TRAM2: variants seen among roughly 807,000 people sequenced by gnomAD.
TRAM2 encodes translocation associated membrane protein 2.
TRAM2 carries 12 observed loss-of-function variants against 51.0 expected under a neutral mutation model. The ratio of observed to expected loss-of-function variants is 0.24; its 90% CI spans 0.15 to 0.38. The LOEUF (loss-of-function observed/expected upper bound fraction) is 0.38, where lower values mean the gene tolerates loss of function less well. TRAM2 is among the 10% of genes least tolerant of loss of function. TRAM2 has a pLI of 1.00. For synonymous variants in TRAM2, 175 were observed against 179.4 expected, an observed-to-expected ratio of 0.98 and a Z score of 0.20; for missense variants, 361 against 462.0, an observed-to-expected ratio of 0.78 and a Z score of 2.00.
rs1415176988 is a variant in TRAM2, at chr6:52,508,786, C to T, written c.471-468G>A. 2.0e-5 allele frequency among the ~76,000 whole-genome samples: 3 copies of T among 152,214 alleles called. No homozygotes were observed. In the East Asian group the frequency reaches 5.8e-4, roughly 29 times the overall value. ...TGGTGGCTCACGCCTGTAACCCCAG[C>T]ACTTTGGGAGGCTGAGGCAGGTGGA... On this transcript the variant is annotated intron_variant, in intron 5 of 10. Coordinates refer to ENST00000182527, the MANE Select transcript of TRAM2 (RefSeq NM_012288.4).
At chr6:52,556,160 G>T (rs1431061942) in intron 1 of TRAM2, among the ~76,000 whole-genome samples, 1 of 152,050 alleles carries the variant, frequency 6.6e-6, no homozygotes, top group Non-Finnish European at 1.5e-5. Flanking sequence ...TGTGGCTCTT[G>T]GGGGAGGGCA....
chr6:52,543,400 G>A (rs996552375), intron 1 of TRAM2, among the ~76,000 whole-genome samples: 2 of 152,182 alleles, frequency 1.3e-5, no homozygotes, highest in Non-Finnish European at 2.9e-5. Context: ...TATTTCTCCT[G>A]CATCATGGGG....
chr6:52,512,591 C>A (rs1005081513), intron 4 of TRAM2, among the ~76,000 whole-genome samples: 7 of 152,182 alleles, frequency 4.6e-5, no homozygotes. Flanking sequence ...AAATCCCATC[C>A]ACTGACAGGC....
At chr6:52,568,655 T>C (rs1360968650) in intron 1 of TRAM2, among the ~76,000 whole-genome samples, 2 of 152,232 alleles carry the variant, frequency 1.3e-5, no homozygotes, top group African/African-American at 4.8e-5. Context: ...ATTCTGTCTC[T>C]ATCCTTTGTC....
intron 1 of TRAM2, among the ~76,000 whole-genome samples, chr6:52,567,580 T>C (rs1389816994): frequency 3.9e-5 from 6 of 152,240 alleles, no homozygotes; most frequent in East Asian, 1.9e-4. Flanking sequence ...CAGACCAACT[T>C]TGCTTTTTAC....
At chr6:52,517,686 C>A (rs1766577019) in intron 2 of TRAM2, among the ~76,000 whole-genome samples, 1 of 152,256 alleles carries the variant, frequency 6.6e-6, no homozygotes, top group South Asian at 2.1e-4. Context: ...CCCACCTCCA[C>A]CAGGCAAATG....
At chr6:52,526,813 A>G (rs1766789780) in intron 2 of TRAM2, among the ~76,000 whole-genome samples, 1 of 152,186 alleles carries the variant, frequency 6.6e-6, no homozygotes, top group Non-Finnish European at 1.5e-5. Context: ...CTGTACTTCA[A>G]AGTTCTGTGG....
At chr6:52,503,301 G>A in intron 10 of TRAM2, 31 bp from the exon 11 acceptor site, 1 of 1,599,050 alleles carries the variant, frequency 6.3e-7, no homozygotes, top group Non-Finnish European at 8.6e-7. Context: ...AGCATACATG[G>A]TGTTTCTGCT....
In TRAM2 at chr6:52,507,617, T is replaced by C; in HGVS notation, c.562A>G (p.Ile188Val). The C allele has an allele frequency of 6.2e-7, 1 of 1,614,046 alleles. No individual in the cohort carries two copies. Residue 188 changes from isoleucine to valine, a missense_variant, in exon 7 of 11, where the codon ATT (isoleucine) becomes GTT (valine). By Grantham distance (29) the Ile-to-Val change is conservative. Coordinates refer to ENST00000182527, the MANE Select transcript of TRAM2 (RefSeq NM_012288.4). ...LYFQKVRKEE[I>V]PRQLQYICLY... ...CAAATATACTGGAGCTGGCGGGGAA[T>C]TTCCTCCTGGAAACAAGAGAAGCAG... is the stretch of plus-strand genomic sequence containing the variant.
chr6:52,561,125 A>G (rs1295947510), intron 1 of TRAM2, among the ~76,000 whole-genome samples: 1 of 152,252 alleles, frequency 6.6e-6, no homozygotes, highest in Non-Finnish European at 1.5e-5. Flanking sequence ...GAAAGAAGCC[A>G]GGTACAAAAA....
intron 9 of TRAM2, among the ~76,000 whole-genome samples, 190 bp downstream of exon 9, chr6:52,505,409 G>T (rs897165947): frequency 6.6e-6 from 1 of 152,210 alleles, no homozygotes; most frequent in Non-Finnish European, 1.5e-5. Context: ...CCAGGACTAG[G>T]GGATGAAGAT....
At chr6:52,513,611 G>A (rs977246866) in intron 4 of TRAM2, among the ~76,000 whole-genome samples, 1 of 152,152 alleles carries the variant, frequency 6.6e-6, no homozygotes, top group African/African-American at 2.4e-5. Flanking sequence ...GGGATGGCAG[G>A]GGATGGAGCC....
At chr6:52,519,110 G>A (rs955378455) in intron 2 of TRAM2, among the ~76,000 whole-genome samples, 2 of 152,304 alleles carry the variant, frequency 1.3e-5, no homozygotes, top group African/African-American at 4.8e-5. Context: ...TGAGACCTGC[G>A]CACATGCATC....
At chr6:52,575,204 C>A (rs987057728) in intron 1 of TRAM2, among the ~76,000 whole-genome samples, 7 of 152,202 alleles carry the variant, frequency 4.6e-5, no homozygotes, top group African/African-American at 1.7e-4. Flanking sequence ...AACCTTACAA[C>A]CACCCTGTGA....
At chr6:52,508,179 A>G (rs1766383596) in intron 6 of TRAM2, 55 bp downstream of exon 6, 4 of 1,518,538 alleles carry the variant, frequency 2.6e-6, no homozygotes, top group Non-Finnish European at 9.1e-7. Flanking sequence ...TGGGAATAGC[A>G]GGAGGGGAGT....
At chr6:52,575,935 A>C (rs1191767933) in intron 1 of TRAM2, among the ~76,000 whole-genome samples, 2 of 152,216 alleles carry the variant, frequency 1.3e-5, no homozygotes, top group African/African-American at 4.8e-5. Context: ...AATCCTTCCC[A>C]TCAGTCTTGT....
chr6:52,548,844 A>C (rs1481123043), intron 1 of TRAM2, among the ~76,000 whole-genome samples: 1 of 152,220 alleles, frequency 6.6e-6, no homozygotes, highest in Non-Finnish European at 1.5e-5. Context: ...TCCAGGGCAA[A>C]GACCATGTCT....
At chr6:52,518,602 G>A (rs1373469225) in intron 2 of TRAM2, among the ~76,000 whole-genome samples, 1 of 152,160 alleles carries the variant, frequency 6.6e-6, no homozygotes, top group East Asian at 1.9e-4. Context: ...GAGGAAGGGA[G>A]AAGGAGGGCT....
chr6:52,514,388 G>C (rs1428766905), intron 4 of TRAM2, among the ~76,000 whole-genome samples: 1 of 152,190 alleles, frequency 6.6e-6, no homozygotes, highest in Non-Finnish European at 1.5e-5. Context: ...AGGAAGAGTT[G>C]GCGGGGGTCG....
Sources: gnomAD v4.1 joint callset for allele counts (sites outside exome capture counted in the v4.1 genomes callset) on GRCh38, gnomAD v4.1.1 for gene constraint, MANE v1.5 for transcripts, NCBI Gene and HGNC (gene_info 2026-07-23, HGNC 2026-07-21) for gene names.